TEX11: variants seen among roughly 807,000 people sequenced by gnomAD.
TEX11 encodes the protein testis-expressed protein 11.
A neutral mutation model predicts 84.4 loss-of-function variants in TEX11; 7 were observed. That is an observed-to-expected ratio of 0.08 (90% confidence interval 0.05 to 0.16). The LOEUF is 0.16. TEX11 is among the 10% of genes least tolerant of loss of function. The pLI is 1.00. For synonymous variants in TEX11, 264 were observed against 222.8 expected, an observed-to-expected ratio of 1.18 and a Z score of -1.64; for missense variants, 551 against 660.5, an observed-to-expected ratio of 0.83 and a Z score of 1.82.
At chrX:70,608,717 G>T (rs1274056854) in intron 22 of TEX11, among the ~76,000 whole-genome samples, 1 of 101,187 alleles carries the variant, frequency 9.9e-6, no homozygotes, top group Non-Finnish European at 2.0e-5. Context: ...CTCCAGCCTG[G>T]GCGACAGAGC....
At chrX:70,560,668 T>C (rs781212620) in intron 25 of TEX11, among the ~76,000 whole-genome samples, 87 of 111,033 alleles carry the variant, frequency 7.8e-4, no homozygotes, top group African/African-American at 2.6e-3. Flanking sequence ...TTATAGTTGG[T>C]AAACTTTTGT....
intron 24 of TEX11, among the ~76,000 whole-genome samples, chrX:70,601,534 C>CTTTTTTTTTTTTTTT (rs1182961993): frequency 1.6e-5 from 1 of 63,401 alleles, no homozygotes; most frequent in Non-Finnish European, 2.7e-5. Context: ...CAGCATCATT[C>CTTTTTTTTTTTTTTT]TTTTTTTTTT....
At position 70,744,189 on chromosome X, in the gene TEX11, C is replaced by G; in HGVS notation, c.723G>C (p.Lys241Asn). The G allele has an allele frequency of 9.6e-7, 1 of 1,038,965 alleles. No individual in the cohort carries two copies. The highest frequency in any genetic ancestry group is 3.7e-5 in the East Asian group (1 of 26,810). 85.6% of individuals were successfully genotyped at this position (1,038,965 alleles called of 1,213,427 possible). A position where few individuals can be genotyped will look rare whatever the true frequency, so the allele number is the denominator to read the frequency against. ...CCAGCATTTCTGGCCCAGTAGATTTCTTATCCATCTTCCCAATATCATAGC... is the reference window on the plus strand; with the variant it reads ...CCAGCATTTCTGGCCCAGTAGATTTGTTATCCATCTTCCCAATATCATAGC... ...SQSYDIGKMD[K>N]KSTGPEMLAK... Residue 241 changes from lysine (K) to asparagine (N), a missense_variant, in exon 10 of 30, where the codon AAG becomes AAC. By Grantham distance (94) the Lys-to-Asn change is moderately conservative. Coordinates refer to ENST00000374333, the MANE Select transcript of TEX11 (RefSeq NM_031276.3).
chrX:70,756,375 C>T (rs753750116), intron 9 of TEX11, among the ~76,000 whole-genome samples: 2 of 111,660 alleles, frequency 1.8e-5, no homozygotes, highest in South Asian at 7.5e-4. Flanking sequence ...GGCTAACAGA[C>T]ACCTCATACA....
At chrX:70,643,377 A>T (rs1200524524) in intron 17 of TEX11, among the ~76,000 whole-genome samples, 1 of 92,267 alleles carries the variant, frequency 1.1e-5, no homozygotes, top group Non-Finnish European at 2.1e-5. Context: ...TGCCATCCCC[A>T]TCAAGCTACC....
chrX:70,841,262 G>A (rs1035904658), intron 7 of TEX11, among the ~76,000 whole-genome samples: 8 of 110,771 alleles, frequency 7.2e-5, no homozygotes, highest in African/African-American at 2.6e-4. Flanking sequence ...TAAAAGAACA[G>A]AAATTATAAC....
chrX:70,571,581 A>G (rs1364727694), intron 25 of TEX11, among the ~76,000 whole-genome samples: 3 of 110,540 alleles, frequency 2.7e-5, no homozygotes, highest in Non-Finnish European at 5.7e-5. Flanking sequence ...TTTCATTTTG[A>G]TTTTTTCTTT....
chrX:70,704,991 T>C (rs1052224492), intron 13 of TEX11, among the ~76,000 whole-genome samples: 1 of 111,799 alleles, frequency 8.9e-6, no homozygotes. Context: ...AAGGAAGGGA[T>C]CCAGTTTCAG....
In TEX11 at chrX:70,607,032, G is replaced by A. The variant is rs748093767; in HGVS notation, c.1880-3C>T. On this transcript the variant is annotated splice_polypyrimidine_tract_variant and splice_region_variant and intron_variant, in intron 22 of 29. Coordinates refer to ENST00000374333, the MANE Select transcript of TEX11 (RefSeq NM_031276.3). ...ACATTGCACAGCCAAGTTCCAAGCT[G>A]GAAATTAACATGAAATAACATAATA... 8.5e-7 allele frequency: 1 copy of A among 1,177,097 alleles called. No homozygotes were observed. Among genetic ancestry groups the A allele is most frequent in the South Asian group, 1.9e-5 (1 of 52,730 alleles).
At chrX:70,803,233 A>G (rs1394364176) in intron 9 of TEX11, among the ~76,000 whole-genome samples, 2 of 112,517 alleles carry the variant, frequency 1.8e-5, no homozygotes, top group Non-Finnish European at 1.9e-5. Context: ...TAAAGGTCTA[A>G]GAGAATTTGT....
intron 17 of TEX11, among the ~76,000 whole-genome samples, chrX:70,644,009 C>T (rs1339330859): frequency 1.9e-5 from 2 of 102,931 alleles, no homozygotes; most frequent in Non-Finnish European, 4.0e-5. Context: ...AGAAAATTTT[C>T]GCAACCTACT....
chrX:70,682,877 G>A, intron 13 of TEX11, 52 bp from the exon 14 acceptor site: 1 of 1,119,990 alleles, frequency 8.9e-7, no homozygotes, highest in South Asian at 2.0e-5. Flanking sequence ...ACTGGTTATT[G>A]ATCAATGGGA....
chrX:70,906,053 C>CAA (rs1160534078), intron 2 of TEX11, among the ~76,000 whole-genome samples: 1 of 9,580 alleles, frequency 1.0e-4, no homozygotes, highest in African/African-American at 4.7e-4. Context: ...AACTCTGTCT[C>CAA]AAAAAAAAAA....
At chrX:70,713,131 G>A (rs1411058811) in intron 13 of TEX11, among the ~76,000 whole-genome samples, 2 of 111,813 alleles carry the variant, frequency 1.8e-5, no homozygotes, top group Non-Finnish European at 3.8e-5. Context: ...TCGCATCCCA[G>A]GGATGAAGCC....
chrX:70,627,105 T>C (rs934919961), intron 18 of TEX11, among the ~76,000 whole-genome samples: 1 of 111,730 alleles, frequency 9.0e-6, no homozygotes, highest in Non-Finnish European at 1.9e-5. Context: ...GATAAAGAGG[T>C]CATTGGTGAC....
intron 2 of TEX11, among the ~76,000 whole-genome samples, chrX:70,901,510 G>A (rs1208008748): frequency 3.6e-5 from 4 of 111,680 alleles, no homozygotes; most frequent in Non-Finnish European, 7.5e-5. Flanking sequence ...GTGGGGGGAT[G>A]GTTTCGGGAT....
At chrX:70,541,383 G>A (rs1177423632) in intron 28 of TEX11, among the ~76,000 whole-genome samples, 1 of 111,289 alleles carries the variant, frequency 9.0e-6, no homozygotes, top group East Asian at 2.8e-4. Context: ...GAAACATGAG[G>A]AATACTTGTG....
At chrX:70,727,948 G>C (rs758088201) in intron 11 of TEX11, among the ~76,000 whole-genome samples, 26 of 112,357 alleles carry the variant, frequency 2.3e-4, no homozygotes, top group Non-Finnish European at 4.3e-4. Context: ...AGTTATAACA[G>C]CTCAAGCTAG....
chrX:70,572,998 T>TAATA (rs764355373), intron 25 of TEX11, among the ~76,000 whole-genome samples: 5 of 111,348 alleles, frequency 4.5e-5, no homozygotes, highest in East Asian at 2.8e-4. Flanking sequence ...ACTTAAAGTA[T>TAATA]AATAAATAAA....
Sources: gnomAD v4.1 joint callset for allele counts (sites outside exome capture counted in the v4.1 genomes callset) on GRCh38, gnomAD v4.1.1 for gene constraint, MANE v1.5 for transcripts, NCBI Gene and HGNC (gene_info 2026-07-23, HGNC 2026-07-21) for gene names.